The following NRAP variants were observed in gnomAD, a reference collection of about 807,000 sequenced individuals.
NRAP encodes nebulin related anchoring protein.
In NRAP, 189 loss-of-function variants were observed where a neutral mutation model predicts 225.9. The ratio of observed to expected loss-of-function variants is 0.84; its 90% CI spans 0.74 to 0.94. The LOEUF (loss-of-function observed/expected upper bound fraction) is 0.94. Among genes scored for constraint, NRAP ranks in the 40% least tolerant of loss-of-function variants. The pLI is 0.00. For synonymous variants in NRAP, 769 were observed against 790.7 expected, an observed-to-expected ratio of 0.97 and a Z score of 0.46; for missense variants, 2,176 against 2,168.7, an observed-to-expected ratio of 1.00 and a Z score of -0.07.
Position 113,612,243 on chromosome 10 carries a change from C to A in NRAP, c.3489G>T (p.Leu1163Phe). The A allele has an allele frequency of 1.2e-6, 2 of 1,614,002 alleles. No homozygotes were observed. The highest frequency in any genetic ancestry group is 1.7e-6 in the Non-Finnish European group (2 of 1,179,932). The stretch of plus-strand genomic sequence containing the variant: ...GGCCAGGTCTCCTTACCTCACTCTG[C>A]AATTTGTGAGCTTTCTTGGCACAGC... ...RLSCAKKAHK[L>F]QSENLYRSDL... The change falls in exon 30 of 42, where the codon TTG (leucine) becomes TTT (phenylalanine). Residue 1163 changes from leucine to phenylalanine, a missense_variant. By Grantham distance (22) the Leu-to-Phe change is conservative. Transcript: ENST00000359988.
At chr10:113,624,992 C>G (rs1370375873) in intron 21 of NRAP, 62 bp from the exon 22 acceptor site, 1 of 967,308 alleles carries the variant, frequency 1.0e-6, no homozygotes, top group Non-Finnish European at 1.7e-6. Flanking sequence ...AGGGTGGCAT[C>G]CCTCATGGTG....
rs1848014295 is a variant in NRAP, at chr10:113,621,918, G to A, written c.2720C>T (p.Thr907Ile). 1.9e-6 allele frequency: 3 copies of A among 1,613,930 alleles called. No homozygotes were observed. Among genetic ancestry groups the A allele is most frequent in the Non-Finnish European group, 2.5e-6 (3 of 1,179,868 alleles). Residue 907 changes from threonine to isoleucine, a missense_variant, in exon 24 of 42, where the codon ACA becomes ATA. Coordinates refer to ENST00000359988, the MANE Select transcript of NRAP (RefSeq NM_198060.4). Reference sequence around the variant, plus strand: ...CTTGGCCCATTCCACCTTCATGTCTGTGGGCAAAGCCGTAAAGTGATGTTC... The same window carrying A: ...CTTGGCCCATTCCACCTTCATGTCTATGGGCAAAGCCGTAAAGTGATGTTC... Reference protein sequence around the residue: ...TAEHHFTALPTDMKVEWAKKA... With the variant: ...TAEHHFTALPIDMKVEWAKKA...
At chr10:113,662,860 A>G in intron 2 of NRAP, 94 bp from the exon 3 acceptor site, 1 of 577,128 alleles carries the variant, frequency 1.7e-6, no homozygotes, top group East Asian at 3.3e-5. Flanking sequence ...AATAACAGTT[A>G]TTTTTAAAAA....
At chr10:113,601,388 C>T (rs539419285) in intron 35 of NRAP, among the ~76,000 whole-genome samples, 8 of 152,184 alleles carry the variant, frequency 5.3e-5, no homozygotes, top group African/African-American at 9.7e-5. Context: ...AATAGAAACA[C>T]GTGAAATGGG....
At chr10:113,621,791 G>C in intron 24 of NRAP, 78 bp downstream of exon 24, 1 of 1,377,902 alleles carries the variant, frequency 7.3e-7, no homozygotes, top group Non-Finnish European at 1.0e-6. Context: ...GCACTGAATG[G>C]CTTAGGGAAA....
Position 113,626,215 on chromosome 10 carries a change from C to CCA in NRAP, c.2146-72_2146-71dup, listed in dbSNP as rs892548200. 1.9e-4 allele frequency: 166 copies of CCA among 892,518 alleles called. 1 individual carries two copies. The highest frequency in any genetic ancestry group is 9.0e-4 in the South Asian group (55 of 61,404). The allele number at this position is 892,518 out of a possible 1,614,324, so 55.3% of individuals were successfully genotyped here. A position where few individuals can be genotyped will look rare whatever the true frequency, so the allele number is the denominator to read the frequency against. Reference sequence around the variant, plus strand: ...CCCCTACCACCCTACTCATGTGCCCCCACACACACACACATTCTTTCTGTG... The same window carrying CCA: ...CCCCTACCACCCTACTCATGTGCCCCCACACACACACACACATTCTTTCTGTG... On this transcript the variant is annotated intron_variant, in intron 20 of 41. Transcript: ENST00000359988.
At chr10:113,634,289 A>G in intron 14 of NRAP, 79 bp from the exon 15 acceptor site, 1 of 1,010,318 alleles carries the variant, frequency 9.9e-7, no homozygotes, top group Non-Finnish European at 1.6e-6. Context: ...CAAGCCCAAT[A>G]AAGTGGCAAT....
intron 12 of NRAP, 118 bp from the exon 13 acceptor site, chr10:113,641,590 A>G (rs1564746482): frequency 9.3e-6 from 6 of 644,250 alleles, no homozygotes; most frequent in Non-Finnish European, 8.1e-6. Context: ...ACCCATTTAA[A>G]TAGTCAACGT....
intron 25 of NRAP, 50 bp downstream of exon 25, chr10:113,620,554 C>T (rs1056401258): frequency 7.8e-6 from 9 of 1,159,390 alleles, no homozygotes; most frequent in Non-Finnish European, 1.0e-5. Flanking sequence ...TACAGAGACG[C>T]CGCACGCCTA....
intron 3 of NRAP, among the ~76,000 whole-genome samples, chr10:113,659,381 T>TC (rs1375832733): frequency 6.6e-6 from 1 of 152,094 alleles, no homozygotes; most frequent in Non-Finnish European, 1.5e-5. Flanking sequence ...GTCCCCCAGG[T>TC]AGGGGTTGGG....
chr10:113,608,400 T>C lies in NRAP; in HGVS notation c.3702+14A>G, dbSNP rs370100374. On this transcript the variant is annotated intron_variant, in intron 32 of 41. Coordinates refer to ENST00000359988, the MANE Select transcript of NRAP (RefSeq NM_198060.4). ...TTTTAAAAAGACCATTCCAAAGCCATCAGGAGATTTTACCTCATTCGTTAT... is the reference window on the plus strand; with the variant it reads ...TTTTAAAAAGACCATTCCAAAGCCACCAGGAGATTTTACCTCATTCGTTAT... 7 of 1,537,080 alleles carry C rather than the reference T, an allele frequency of 4.6e-6. No individual in the cohort carries two copies. Among genetic ancestry groups the C allele is most frequent in the Non-Finnish European group, 6.3e-6 (7 of 1,112,060 alleles).
At position 113,615,669 on chromosome 10, in the gene NRAP, G is replaced by A. The variant is rs73354044; in HGVS notation, c.3078+43C>T. The A allele has an allele frequency of 1.8e-3, 1,921 of 1,095,374 alleles. 16 individuals are homozygous for A. In the African/African-American group the frequency reaches 0.024, roughly 14 times the overall value. The allele number at this position is 1,095,374 out of a possible 1,614,324, so 67.9% of individuals were successfully genotyped here. A position where few individuals can be genotyped will look rare whatever the true frequency, so the allele number is the denominator to read the frequency against. On this transcript the variant is annotated intron_variant, in intron 27 of 41. Coordinates refer to ENST00000359988, the MANE Select transcript of NRAP (RefSeq NM_198060.4). ...TGTGTGCCTGCCCATGACCAGCCCC[G>A]CTCTCCCGTCATTAAAACTCGTGCC...
At chr10:113,623,380 A>G in intron 23 of NRAP, 149 bp downstream of exon 23, 3 of 532,752 alleles carry the variant, frequency 5.6e-6, no homozygotes, top group Non-Finnish European at 1.0e-5. Flanking sequence ...TGATTATCTC[A>G]TTGCAAGGTG....
chr10:113,645,636 C>A (rs1049324597), intron 11 of NRAP, among the ~76,000 whole-genome samples, 189 bp downstream of exon 11: 3 of 152,166 alleles, frequency 2.0e-5, no homozygotes, highest in Non-Finnish European at 4.4e-5. Flanking sequence ...AGGCTGATCT[C>A]GAACTCCCAA....
At chr10:113,622,993 A>G (rs1430119259) in intron 23 of NRAP, among the ~76,000 whole-genome samples, 1 of 152,232 alleles carries the variant, frequency 6.6e-6, no homozygotes, top group Non-Finnish European at 1.5e-5. Flanking sequence ...TCTCACATCC[A>G]ACTCCTAACA....
intron 21 of NRAP, 123 bp downstream of exon 21, chr10:113,625,924 C>A: frequency 1.6e-6 from 1 of 615,394 alleles, no homozygotes; most frequent in Non-Finnish European, 2.7e-6. Flanking sequence ...TGGGTCCAGC[C>A]TATTTAGAGG....
At chr10:113,591,556 A>G (rs1229758056) in intron 39 of NRAP, among the ~76,000 whole-genome samples, 1 of 152,226 alleles carries the variant, frequency 6.6e-6, no homozygotes, top group African/African-American at 2.4e-5. Flanking sequence ...TAATTTCTGT[A>G]CTTATCCAAT....
In NRAP at chr10:113,662,760, G is replaced by A. The variant is rs78159056; in HGVS notation, c.174C>T (p.Asn58=). Reference sequence around the variant, plus strand: ...CACTGGTGAAAGTGTTGTTCTTAGGGTTATGGCTACAACAAATAGGTATAA... The same window carrying A: ...CACTGGTGAAAGTGTTGTTCTTAGGATTATGGCTACAACAAATAGGTATAA... ...HQKKPYCHAH[N]PKNNTFTSVY... is the part of the protein sequence containing the mutation. The change falls in exon 3 of 42, where the codon AAC becomes AAT. Residue 58 remains asparagine (N), a synonymous_variant. Coordinates refer to ENST00000359988, the MANE Select transcript of NRAP (RefSeq NM_198060.4). 1,205 of 1,566,600 alleles carry A rather than the reference G, an allele frequency of 7.7e-4. 4 individuals carry two copies. In the African/African-American group the frequency reaches 0.015, roughly 19 times the overall value.
rs1210510511 is a variant in NRAP, at chr10:113,624,810, C to G, written c.2349+16G>C. ...AGGGGAGCAGAGTTCTTGCTGCCCA[C>G]TCATTCTCTCTGTACCTCGCTGAGA... On this transcript the variant is annotated intron_variant, in intron 22 of 41. Coordinates refer to ENST00000359988, the MANE Select transcript of NRAP (RefSeq NM_198060.4). 3 of 1,595,554 alleles carry G rather than the reference C, an allele frequency of 1.9e-6. No homozygotes were observed. The highest frequency in any genetic ancestry group is 1.3e-5 in the African/African-American group (1 of 74,550).
Sources: gnomAD v4.1 joint callset for allele counts (sites outside exome capture counted in the v4.1 genomes callset) on GRCh38, gnomAD v4.1.1 for gene constraint, MANE v1.5 for transcripts, NCBI Gene and HGNC (gene_info 2026-07-23, HGNC 2026-07-21) for gene names.